Variants in NOS1AP observed in about 807,000 individuals in gnomAD.
The protein encoded by NOS1AP is carboxyl-terminal PDZ ligand of neuronal nitric oxide synthase protein.
A neutral mutation model predicts 56.2 loss-of-function variants in NOS1AP; 21 were observed. The ratio of observed to expected loss-of-function variants is 0.37; its 90% CI spans 0.26 to 0.54. The LOEUF (loss-of-function observed/expected upper bound fraction) is 0.54. Among genes scored for constraint, NOS1AP ranks in the 20% least tolerant of loss-of-function variants. The pLI, the probability that NOS1AP is intolerant of heterozygous loss-of-function variation, is 0.84. For synonymous variants in NOS1AP, 270 were observed against 274.6 expected (o/e 0.98, Z 0.17); for missense variants, 522 against 657.8 (o/e 0.79, Z 2.26).
intron 1 of NOS1AP, among the ~76,000 whole-genome samples, chr1:162,086,489 C>G (rs1692005810): frequency 1.3e-5 from 2 of 152,168 alleles, no homozygotes; most frequent in South Asian, 4.1e-4. Flanking sequence ...AGCACTGTAT[C>G]TGACTTGCTT....
chr1:162,300,606 G>A, intron 3 of NOS1AP, 27 bp from the exon 4 acceptor site: 1 of 1,600,398 alleles, frequency 6.2e-7, no homozygotes, highest in Non-Finnish European at 8.6e-7. Context: ...CTGTAACTGA[G>A]GACAAGCCTA....
chr1:162,305,092 CA>C (rs1290452776), intron 4 of NOS1AP, among the ~76,000 whole-genome samples: 5 of 152,088 alleles, frequency 3.3e-5, no homozygotes, highest in African/African-American at 1.2e-4. Flanking sequence ...GCATTATTCA[CA>C]TAGAATAACA....
chr1:162,164,395 C>T (rs1650379514), intron 2 of NOS1AP, among the ~76,000 whole-genome samples: 1 of 152,214 alleles, frequency 6.6e-6, no homozygotes, highest in Non-Finnish European at 1.5e-5. Context: ...ATTTTAATCA[C>T]TTGTAAGTGT....
intron 1 of NOS1AP, among the ~76,000 whole-genome samples, chr1:162,080,651 T>C (rs1691865416): frequency 6.6e-6 from 1 of 152,214 alleles, no homozygotes; most frequent in Admixed American, 6.5e-5. Context: ...TGCAGAATTA[T>C]CATGCATCCC....
chr1:162,300,705 A>G lies in NOS1AP; in HGVS notation c.343A>G (p.Arg115Gly), dbSNP rs1655622187. ...GCTGGTGATGCAGGACCCCATCTACAGGTAAGAGCCCAGTCCAGCACCCAA... is the reference window on the plus strand; with the variant it reads ...GCTGGTGATGCAGGACCCCATCTACGGGTAAGAGCCCAGTCCAGCACCCAA... Reference protein sequence around the residue: ...KMLVMQDPIYRIFYVSHDSQD... With the variant: ...KMLVMQDPIYGIFYVSHDSQD... Residue 115 changes from arginine to glycine, a missense_variant and splice_region_variant, in exon 4 of 10, where the codon AGG becomes GGG. Transcript: ENST00000361897. 2 of 1,613,874 alleles carry G rather than the reference A, an allele frequency of 1.2e-6. No homozygotes were observed. The highest frequency in any genetic ancestry group is 1.7e-6 in the Non-Finnish European group (2 of 1,179,792).
Position 162,081,774 on chromosome 1 carries a change from A to ATATATTTTTTTTTTTTTTTTTTTT in NOS1AP, c.105+11493_105+11494insATATTTTTTTTTTTTTTTTTTTTT. Among the ~76,000 whole-genome samples, 156 of 43,914 alleles carry ATATATTTTTTTTTTTTTTTTTTTT rather than the reference A, an allele frequency of 3.6e-3. 5 individuals are homozygous for ATATATTTTTTTTTTTTTTTTTTTT. Among genetic ancestry groups the ATATATTTTTTTTTTTTTTTTTTTT allele is most frequent in the African/African-American group, 0.011 (141 of 12,950 alleles). The allele number at this position is 43,914 out of a possible 152,430, so 28.8% of individuals were successfully genotyped here. A position where few individuals can be genotyped will look rare whatever the true frequency, so the allele number is the denominator to read the frequency against. On this transcript the variant is annotated intron_variant, in intron 1 of 9. Transcript: ENST00000361897. ...TCTATAGATATATATATATATATAT[A>ATATATTTTTTTTTTTTTTTTTTTT]TTTTTTTTTTGTAGAGATGGGTTTT...
chr1:162,180,554 G>A (rs572658535), intron 2 of NOS1AP, among the ~76,000 whole-genome samples: 7 of 152,280 alleles, frequency 4.6e-5, no homozygotes, highest in East Asian at 1.9e-4. Context: ...AATGTGTTAC[G>A]TTATTTAAGA....
chr1:162,325,817 G>A (rs561128977), intron 4 of NOS1AP, among the ~76,000 whole-genome samples: 6 of 151,942 alleles, frequency 3.9e-5, no homozygotes, highest in African/African-American at 1.2e-4. Context: ...GCTCTGTGCT[G>A]CAGCATGTCT....
At chr1:162,075,383 CT>C (rs1409925606) in intron 1 of NOS1AP, among the ~76,000 whole-genome samples, 1 of 152,198 alleles carries the variant, frequency 6.6e-6, no homozygotes, top group Non-Finnish European at 1.5e-5. Flanking sequence ...TGCTACCTGG[CT>C]TCATTGGTTG....
intron 1 of NOS1AP, among the ~76,000 whole-genome samples, chr1:162,074,579 T>G (rs1221392113): frequency 6.6e-6 from 1 of 152,162 alleles, no homozygotes; most frequent in Non-Finnish European, 1.5e-5. Flanking sequence ...TATCCCTGGT[T>G]CCCTGGCTTC....
At chr1:162,311,796 T>C (rs1284735652) in intron 4 of NOS1AP, among the ~76,000 whole-genome samples, 1 of 146,542 alleles carries the variant, frequency 6.8e-6, no homozygotes, top group Non-Finnish European at 1.5e-5. Flanking sequence ...TGTGATCTCA[T>C]TGTTCAATTC....
intron 1 of NOS1AP, among the ~76,000 whole-genome samples, chr1:162,082,428 G>A (rs371209659): frequency 6.6e-6 from 1 of 152,126 alleles, no homozygotes; most frequent in South Asian, 2.1e-4. Flanking sequence ...ATAATAGAAT[G>A]ATTTATATTT....
At chr1:162,252,531 G>A (rs933103462) in intron 2 of NOS1AP, among the ~76,000 whole-genome samples, 27 of 152,182 alleles carry the variant, frequency 1.8e-4, no homozygotes, top group Admixed American at 3.3e-4. Context: ...AGCCCATTCT[G>A]TGCACTCTAA....
chr1:162,357,813 C>G (rs1475375182), intron 8 of NOS1AP, among the ~76,000 whole-genome samples: 1 of 151,684 alleles, frequency 6.6e-6, no homozygotes, highest in Non-Finnish European at 1.5e-5. Context: ...GGAGGGTGAG[C>G]TGATTTCCCT....
chr1:162,303,064 TTC>T (rs1317864555), intron 4 of NOS1AP, among the ~76,000 whole-genome samples: 1 of 152,232 alleles, frequency 6.6e-6, no homozygotes, highest in Non-Finnish European at 1.5e-5. Flanking sequence ...TGCGTAACCA[TTC>T]ATGTGTTCAT....
At chr1:162,343,598 A>G (rs148792854) in intron 5 of NOS1AP, among the ~76,000 whole-genome samples, 89 of 152,384 alleles carry the variant, frequency 5.8e-4, no homozygotes, top group African/African-American at 2.1e-3. Flanking sequence ...GGCTAAGTCC[A>G]TAACTGGCAT....
chr1:162,298,293 G>A (rs191303521), intron 3 of NOS1AP, among the ~76,000 whole-genome samples: 26 of 152,320 alleles, frequency 1.7e-4, no homozygotes, highest in Admixed American at 2.6e-4. Context: ...TCTTGCTCCC[G>A]TTTCCCATGT....
Position 162,070,107 on chromosome 1 carries a change from C to A in NOS1AP, c.-71C>A. 7.9e-7 allele frequency: 1 copy of A among 1,269,434 alleles called. No individual in the cohort carries two copies. Among genetic ancestry groups the A allele is most frequent in the Non-Finnish European group, 1.1e-6 (1 of 871,454 alleles). The allele number at this position is 1,269,434 out of a possible 1,614,324, so 78.6% of individuals were successfully genotyped here. A position where few individuals can be genotyped will look rare whatever the true frequency, so the allele number is the denominator to read the frequency against. On this transcript the variant is annotated 5_prime_UTR_variant, in exon 1 of 10. Coordinates refer to ENST00000361897, the MANE Select transcript of NOS1AP (RefSeq NM_014697.3). Reference sequence around the variant, plus strand: ...GTCGCCGCGCCCAGCTCCAGTCTCCCCTCCCCGGGGTCTCGCCAGCCCCTT... The same window carrying A: ...GTCGCCGCGCCCAGCTCCAGTCTCCACTCCCCGGGGTCTCGCCAGCCCCTT...
intron 2 of NOS1AP, among the ~76,000 whole-genome samples, chr1:162,189,533 T>G (rs1651550615): frequency 6.6e-6 from 1 of 152,170 alleles, no homozygotes; most frequent in Non-Finnish European, 1.5e-5. Flanking sequence ...TAGACAAATA[T>G]TTGAGTATCA....
Sources: allele counts gnomAD v4.1 joint callset (sites outside exome capture counted in the v4.1 genomes callset), GRCh38; gene constraint gnomAD v4.1.1; transcripts MANE v1.5; gene names NCBI Gene and HGNC (gene_info 2026-07-23, HGNC 2026-07-21).